SLC22A23: variants seen among roughly 807,000 people sequenced by gnomAD.
The protein encoded by SLC22A23 is ion transporter protein.
SLC22A23 carries 26 observed loss-of-function variants against 61.0 expected under a neutral mutation model. The observed-to-expected ratio is 0.43, with a 90% confidence interval of 0.31 to 0.59. The LOEUF is 0.59. SLC22A23 is among the 20% of genes least tolerant of loss of function. The pLI, the probability that SLC22A23 is intolerant of heterozygous loss-of-function variation, is 0.11. For synonymous variants in SLC22A23, 430 were observed against 413.9 expected (o/e 1.04, Z -0.47); for missense variants, 796 against 934.7 (o/e 0.85, Z 1.94).
chr6:3,398,623 C>T (rs1287448048), intron 3 of SLC22A23, among the ~76,000 whole-genome samples: 1 of 151,988 alleles, frequency 6.6e-6, no homozygotes, highest in African/African-American at 2.4e-5. Context: ...GAACACTGCC[C>T]TGAAGTGGAG....
chr6:3,343,111 T>C (rs541353602), intron 3 of SLC22A23, among the ~76,000 whole-genome samples: 5 of 152,320 alleles, frequency 3.3e-5, no homozygotes, highest in Non-Finnish European at 5.9e-5. Flanking sequence ...GTTGAATTCT[T>C]CGGGAAAGCT....
At chr6:3,280,524 C>G (rs1309124802) in intron 9 of SLC22A23, among the ~76,000 whole-genome samples, 1 of 95,808 alleles carries the variant, frequency 1.0e-5, no homozygotes, top group Non-Finnish European at 1.9e-5. Flanking sequence ...GAGATGGAGT[C>G]TCGCTCTGTC....
chr6:3,278,515 G>GT (rs1203258497), intron 9 of SLC22A23, among the ~76,000 whole-genome samples: 1 of 152,212 alleles, frequency 6.6e-6, no homozygotes, highest in Non-Finnish European at 1.5e-5. Flanking sequence ...ACTAGTCTCT[G>GT]AGCCCTTCAA....
intron 1 of SLC22A23, among the ~76,000 whole-genome samples, chr6:3,417,331 T>G (rs1769792556): frequency 6.6e-6 from 1 of 152,124 alleles, no homozygotes; most frequent in Admixed American, 6.5e-5. Context: ...CCAGAGTGAT[T>G]TGCAACGCCA....
At chr6:3,284,971 A>G (rs576936496) in intron 8 of SLC22A23, 108 bp downstream of exon 8, 9 of 1,552,628 alleles carry the variant, frequency 5.8e-6, no homozygotes, top group African/African-American at 2.7e-5. Flanking sequence ...TTGGAGGGCA[A>G]CGGGGAGAAA....
At position 3,333,466 on chromosome 6, in the gene SLC22A23, C is replaced by T. The variant is rs558964393; in HGVS notation, c.914-9464G>A. Among the ~76,000 whole-genome samples, 6 of 152,202 alleles carry T rather than the reference C, an allele frequency of 3.9e-5. No individual in the cohort carries two copies. In the South Asian group the frequency reaches 6.2e-4, roughly 16 times the overall value. On this transcript the variant is annotated intron_variant, in intron 3 of 9. Transcript: ENST00000406686. This position sits in a 1 kb window ranked among gnomAD's most constrained non-coding sequence, Gnocchi z 4.1. ...TCAGACCACATCACCTGCCCCTCCC[C>T]GCCCCATCGCTCCACTTCAGCCACA...
chr6:3,334,168 T>C (rs1763725069), intron 3 of SLC22A23, among the ~76,000 whole-genome samples: 1 of 152,242 alleles, frequency 6.6e-6, no homozygotes, highest in Admixed American at 6.5e-5. Context: ...TGTTTTTATT[T>C]TTTTATTTTT....
At chr6:3,283,459 C>G (rs6902992) in intron 9 of SLC22A23, 21,736 of 273,162 alleles carry the variant, frequency 0.08, 1,069 homozygotes, top group Middle Eastern at 0.12. Context: ...TAGGCTCTTT[C>G]TACTTTGTGA....
rs1170557919 is a variant in SLC22A23, at chr6:3,414,974, T to C, written c.758+778A>G. 6.6e-6 allele frequency among the ~76,000 whole-genome samples: 1 copy of C among 152,172 alleles called. No individual in the cohort carries two copies. Among genetic ancestry groups the C allele is most frequent in the Non-Finnish European group, 1.5e-5 (1 of 68,034 alleles). ...TGGTGGCTGAGTTTCAAGTTCTGGC[T>C]CTCCAGCTTAAAGCTGAGTGAACTT... On this transcript the variant is annotated intron_variant, in intron 2 of 9. Transcript: ENST00000406686. The surrounding 1 kb of genome is among the most constrained non-coding windows in gnomAD (Gnocchi z 5.1).
intron 9 of SLC22A23, among the ~76,000 whole-genome samples, chr6:3,280,512 T>TTTTTTTTTTTTTTTTTTTTTTTTCC (rs781526188): frequency 1.0e-5 from 1 of 98,330 alleles, no homozygotes; most frequent in African/African-American, 3.6e-5. Flanking sequence ...TTTTTTTTTT[T>TTTTTTTTTTTTTTTTTTTTTTTTCC]TGAGATGGAG....
chr6:3,436,538 T>C (rs1382440244), intron 1 of SLC22A23, among the ~76,000 whole-genome samples: 2 of 152,176 alleles, frequency 1.3e-5, no homozygotes, highest in East Asian at 1.9e-4. Flanking sequence ...TCTTGTGCCA[T>C]TCTCTCCTCC....
In SLC22A23 at chr6:3,372,433, G is replaced by T. The variant is rs1024020958; in HGVS notation, c.913+37755C>A. On this transcript the variant is annotated intron_variant, in intron 3 of 9. Coordinates refer to ENST00000406686, the MANE Select transcript of SLC22A23 (RefSeq NM_015482.2). This position sits in a 1 kb window ranked among gnomAD's most constrained non-coding sequence, Gnocchi z 4.7. ...GGCGTGGCTGCTGACAGCACGTAAG[G>T]TGGACAGAGCAGGGCATGAGGAGAA... Among the ~76,000 whole-genome samples, 6 of 152,378 alleles carry T rather than the reference G, an allele frequency of 3.9e-5. No homozygotes were observed. The highest frequency in any genetic ancestry group is 1.4e-4 in the African/African-American group (6 of 41,590).
chr6:3,311,404 C>A (rs1335245705), intron 4 of SLC22A23, among the ~76,000 whole-genome samples: 1 of 152,040 alleles, frequency 6.6e-6, no homozygotes, highest in African/African-American at 2.4e-5. Flanking sequence ...TGAAGAGATT[C>A]TAAAAAAATA....
intron 6 of SLC22A23, among the ~76,000 whole-genome samples, chr6:3,287,367 C>G (rs1014023141): frequency 2.0e-5 from 3 of 152,232 alleles, no homozygotes; most frequent in African/African-American, 7.2e-5. Flanking sequence ...AGCAGTGAGT[C>G]CTTTTGTTAA....
chr6:3,313,585 A>G (rs1212207741), intron 4 of SLC22A23: 1 of 152,164 alleles, frequency 6.6e-6, no homozygotes, highest in Non-Finnish European at 1.5e-5. Flanking sequence ...TATCTGTAAT[A>G]GAGTCTCTTT....
At chr6:3,357,415 A>G (rs974871381) in intron 3 of SLC22A23, among the ~76,000 whole-genome samples, 2 of 152,192 alleles carry the variant, frequency 1.3e-5, no homozygotes, top group African/African-American at 4.8e-5. Context: ...TGAGGAAAGG[A>G]CTGCAAATAC....
At chr6:3,347,329 G>A (rs781400671) in intron 3 of SLC22A23, among the ~76,000 whole-genome samples, 12 of 152,046 alleles carry the variant, frequency 7.9e-5, no homozygotes, top group East Asian at 1.9e-4. Context: ...ACACTTCCTC[G>A]CACCCCTCAG....
At chr6:3,313,217 A>T (rs1190519135) in intron 4 of SLC22A23, 1 of 152,140 alleles carries the variant, frequency 6.6e-6, no homozygotes, top group Non-Finnish European at 1.5e-5. Flanking sequence ...TACAGAAAAC[A>T]TTTGAATCTC....
Position 3,273,116 on chromosome 6 carries a change from G to C in SLC22A23, c.2000C>G (p.Ala667Gly), listed in dbSNP as rs1266383012. ...GGGCAGTGTGTCACCCGCGGCTGCG[G>C]CATCGTGGAGGCCCGAGTAGTCCTT... Reference protein sequence around the residue: ...ELKDYSGLHDAAAAGDTLPEG... With the variant: ...ELKDYSGLHDGAAAGDTLPEG... The change falls in exon 10 of 10, where the codon GCC (alanine) becomes GGC (glycine). Residue 667 changes from alanine to glycine, a missense_variant. Transcript: ENST00000406686. 2 of 1,603,488 alleles carry C rather than the reference G, an allele frequency of 1.2e-6. No homozygotes were observed. Among genetic ancestry groups the C allele is most frequent in the Non-Finnish European group, 1.7e-6 (2 of 1,176,836 alleles).
Sources: gnomAD v4.1 joint callset for allele counts (sites outside exome capture counted in the v4.1 genomes callset) on GRCh38, gnomAD v4.1.1 for gene constraint, Gnocchi (gnomAD v3.1) non-coding constraint, MANE v1.5 for transcripts, NCBI Gene and HGNC (gene_info 2026-07-23, HGNC 2026-07-21) for gene names.